The following CFAP44 variants were observed in gnomAD, a reference collection of about 807,000 sequenced individuals.
The protein encoded by CFAP44 is cilia and flagella associated protein 44, also known as cilia- and flagella-associated protein 44.
A neutral mutation model predicts 216.2 loss-of-function variants in CFAP44; 134 were observed. That is an observed-to-expected ratio of 0.62 (90% CI 0.54 to 0.72). CFAP44 has a LOEUF of 0.72. CFAP44 is among the 30% of genes least tolerant of loss of function. The pLI, the probability that CFAP44 is intolerant of heterozygous loss-of-function variation, is 0.00. For missense variants in CFAP44, 2,035 were observed against 2,182.1 expected (o/e 0.93, Z 1.34); for synonymous variants, 700 against 727.6 (o/e 0.96, Z 0.61).
At chr3:113,343,066 T>C (rs1309818030) in intron 23 of CFAP44, among the ~76,000 whole-genome samples, 3 of 145,210 alleles carry the variant, frequency 2.1e-5, no homozygotes, top group African/African-American at 7.5e-5. Flanking sequence ...TTTCTTTTTT[T>C]TTTTTTTTTT....
At chr3:113,417,220 G>C (rs1190955175) in intron 5 of CFAP44, 1 of 152,134 alleles carries the variant, frequency 6.6e-6, no homozygotes, top group Non-Finnish European at 1.5e-5. Flanking sequence ...TCCAGACCAG[G>C]TTACATCACA....
intron 22 of CFAP44, among the ~76,000 whole-genome samples, chr3:113,353,527 A>G (rs370063538): frequency 3.9e-5 from 6 of 152,132 alleles, no homozygotes; most frequent in African/African-American, 1.4e-4. Context: ...AATACTTATT[A>G]AAGCCAAACA....
At chr3:113,364,491 T>C (rs1256818145) in intron 19 of CFAP44, among the ~76,000 whole-genome samples, 3 of 152,144 alleles carry the variant, frequency 2.0e-5, no homozygotes, top group Admixed American at 1.3e-4. Context: ...GGCTAATAAA[T>C]TGTACTGACT....
chr3:113,305,124 G>T lies in CFAP44; in HGVS notation c.4787C>A (p.Ala1596Glu). Reference sequence around the variant, plus strand: ...ATAAGCCTCCAGGGCCTCCTCTGCTGCATTCAGATTAGTTGCCACAATTTT... The same window carrying T: ...ATAAGCCTCCAGGGCCTCCTCTGCTTCATTCAGATTAGTTGCCACAATTTT... Reference protein sequence around the residue: ...KVKIVATNLNAAEEALEAYQR... With the variant: ...KVKIVATNLNEAEEALEAYQR... Residue 1596 changes from alanine to glutamate, a missense_variant, in exon 31 of 35, where the codon GCA becomes GAA. By Grantham distance (107) the Ala-to-Glu change is moderately radical. Around this residue, in one of 3 missense-constraint regions of CFAP44, gnomAD observed 1,883 missense variants for 2,023.7 expected, o/e 0.93. Transcript: ENST00000393845. 2.0e-6 allele frequency: 3 copies of T among 1,537,232 alleles called. No individual in the cohort carries two copies. Among genetic ancestry groups the T allele is most frequent in the Non-Finnish European group, 2.6e-6 (3 of 1,146,904 alleles).
intron 28 of CFAP44, among the ~76,000 whole-genome samples, chr3:113,311,212 T>C (rs962496873): frequency 5.3e-5 from 8 of 152,148 alleles, no homozygotes; most frequent in Non-Finnish European, 8.8e-5. Flanking sequence ...AGCAAATAAA[T>C]AGAAATTATA....
chr3:113,343,702 C>G (rs1950356029), intron 23 of CFAP44, among the ~76,000 whole-genome samples: 1 of 152,050 alleles, frequency 6.6e-6, no homozygotes, highest in Admixed American at 6.6e-5. Context: ...ACTAAACAGA[C>G]AAGCTGAACA....
At chr3:113,410,301 C>T (rs939254108) in intron 6 of CFAP44, among the ~76,000 whole-genome samples, 2 of 152,178 alleles carry the variant, frequency 1.3e-5, no homozygotes, top group Non-Finnish European at 2.9e-5. Flanking sequence ...CCTACCCCCT[C>T]TCCCACCCCA....
intron 22 of CFAP44, among the ~76,000 whole-genome samples, chr3:113,352,847 TAAA>T (rs1950457726): frequency 1.3e-5 from 2 of 152,218 alleles, no homozygotes; most frequent in Non-Finnish European, 2.9e-5. Flanking sequence ...ATTAGATTGG[TAAA>T]GATGAAAACA....
intron 26 of CFAP44, among the ~76,000 whole-genome samples, chr3:113,328,947 A>G (rs1950217386): frequency 6.6e-6 from 1 of 152,148 alleles, no homozygotes; most frequent in Non-Finnish European, 1.5e-5. Flanking sequence ...TTTCTTAAGA[A>G]TTGTTGTATC....
chr3:113,436,383 T>A (rs1454098105), intron 1 of CFAP44, among the ~76,000 whole-genome samples: 1 of 152,226 alleles, frequency 6.6e-6, no homozygotes, highest in East Asian at 1.9e-4. Flanking sequence ...TAGGTCAATT[T>A]AATTCTTAAA....
intron 33 of CFAP44, 115 bp downstream of exon 33, chr3:113,296,610 G>C (rs1191919222): frequency 8.2e-6 from 10 of 1,224,358 alleles, no homozygotes; most frequent in Non-Finnish European, 1.1e-5. Flanking sequence ...AGCCAAAGGG[G>C]GCTCGCGGAC....
rs10574877 is a variant in CFAP44, at chr3:113,338,255, C to CAAAA, written c.3437+3485_3437+3488dup. On this transcript the variant is annotated intron_variant, in intron 24 of 34. Transcript: ENST00000393845. ...CTGGACAACACACGAGACAATGTCT[C>CAAAA]AAAAAAAAAAAAAAAAAAAAAAAAA... Among the ~76,000 whole-genome samples the CAAAA allele has an allele frequency of 4.1e-3, 175 of 43,042 alleles. 17 individuals are homozygous for CAAAA. Among genetic ancestry groups the CAAAA allele is most frequent in the East Asian group, 0.016 (20 of 1,226 alleles). The allele number at this position is 43,042 out of a possible 152,430, so 28.2% of individuals were successfully genotyped here. A position where few individuals can be genotyped will look rare whatever the true frequency, so the allele number is the denominator to read the frequency against.
chr3:113,296,709 C>T lies in CFAP44; in HGVS notation c.5238+16G>A, dbSNP rs1396258489. The T allele has an allele frequency of 6.5e-7, 1 of 1,535,156 alleles. No individual in the cohort carries two copies. The highest frequency in any genetic ancestry group is 2.4e-5 in the East Asian group (1 of 40,842). Reference sequence around the variant, plus strand: ...AGCCAGATTCAACCAAAGATCAACCCCCTTCTCTTCCTTACCTCCCACATC... The same window carrying T: ...AGCCAGATTCAACCAAAGATCAACCTCCTTCTCTTCCTTACCTCCCACATC... On this transcript the variant is annotated intron_variant, in intron 33 of 34. Transcript: ENST00000393845.
At chr3:113,309,936 C>A (rs1344691743) in intron 28 of CFAP44, among the ~76,000 whole-genome samples, 1 of 152,180 alleles carries the variant, frequency 6.6e-6, no homozygotes, top group African/African-American at 2.4e-5. Flanking sequence ...GAAGGGGCAG[C>A]CTAGCAGGAG....
intron 4 of CFAP44, among the ~76,000 whole-genome samples, chr3:113,421,881 G>A (rs926317980): frequency 1.3e-5 from 2 of 151,928 alleles, no homozygotes; most frequent in African/African-American, 4.8e-5. Flanking sequence ...TTCCTATTGG[G>A]TACTATGTTC....
intron 8 of CFAP44, 68 bp downstream of exon 8, chr3:113,406,859 A>G (rs1283707539): frequency 1.0e-5 from 11 of 1,062,430 alleles, no homozygotes; most frequent in Middle Eastern, 2.1e-4. Context: ...GAATTTTCAT[A>G]TATGTGTGCT....
chr3:113,389,168 C>A (rs1011246690), intron 15 of CFAP44, among the ~76,000 whole-genome samples: 1 of 152,122 alleles, frequency 6.6e-6, no homozygotes, highest in Non-Finnish European at 1.5e-5. Context: ...GAAATTATAT[C>A]AAGTATCTTC....
At chr3:113,316,726 G>A (rs761508464) in intron 28 of CFAP44, among the ~76,000 whole-genome samples, 2 of 152,006 alleles carry the variant, frequency 1.3e-5, no homozygotes, top group African/African-American at 2.4e-5. Flanking sequence ...AAAATTAGCT[G>A]GGTGTGGTGG....
At chr3:113,298,911 T>C (rs1226257901) in intron 32 of CFAP44, among the ~76,000 whole-genome samples, 1 of 152,226 alleles carries the variant, frequency 6.6e-6, no homozygotes, top group Non-Finnish European at 1.5e-5. Context: ...TGGATGGTGG[T>C]GATGGTTGCA....
Sources: gnomAD v4.1 joint callset for allele counts (sites outside exome capture counted in the v4.1 genomes callset) on GRCh38, gnomAD v4.1.1 for gene constraint, gnomAD v4.1.1 regional missense constraint, MANE v1.5 for transcripts, NCBI Gene and HGNC (gene_info 2026-07-23, HGNC 2026-07-21) for gene names.